The following LRCH1 variants were observed in gnomAD, a reference collection of about 807,000 sequenced individuals.
LRCH1 encodes the protein leucine-rich repeat and calponin homology domain-containing protein 1.
In LRCH1, 23 loss-of-function variants were observed where a neutral mutation model predicts 94.9. The ratio of observed to expected loss-of-function variants is 0.24; its 90% CI spans 0.17 to 0.34. The LOEUF (loss-of-function observed/expected upper bound fraction) is 0.34, where lower values mean the gene tolerates loss of function less well. LRCH1 is among the 10% of genes least tolerant of loss of function. The pLI is 1.00. For missense variants in LRCH1, 790 were observed against 945.9 expected, an observed-to-expected ratio of 0.84 and a Z score of 2.16; for synonymous variants, 364 against 354.9, an observed-to-expected ratio of 1.03 and a Z score of -0.29.
At position 46,669,701 on chromosome 13, in the gene LRCH1, T is replaced by C. The variant is rs112157673; in HGVS notation, c.579+545T>C. On this transcript the variant is annotated intron_variant, in intron 3 of 19. Coordinates refer to ENST00000389797, the MANE Select transcript of LRCH1 (RefSeq NM_001164211.2). ...ATTACAAATGTGTGTGAAGCTGAGA[T>C]GCACTGTTATATTTCAGCTCTTTCA... is the stretch of plus-strand genomic sequence containing the variant. Among the ~76,000 whole-genome samples, 738 of 152,350 alleles carry C rather than the reference T, an allele frequency of 4.8e-3. 12 individuals carry two copies. The highest frequency in any genetic ancestry group is 0.017 in the African/African-American group (716 of 41,578).
In LRCH1 at chr13:46,636,186, C is replaced by T. The variant is rs548383077; in HGVS notation, c.308-14015C>T. On this transcript the variant is annotated intron_variant, in intron 1 of 19. Transcript: ENST00000389797. ...CTGGGTTCAAGCGATTCTCCTACCTCTGCCTCCCGAGTAGCTGGAATTACA... is the reference window on the plus strand; with the variant it reads ...CTGGGTTCAAGCGATTCTCCTACCTTTGCCTCCCGAGTAGCTGGAATTACA... Among the ~76,000 whole-genome samples, 18 of 146,852 alleles carry T rather than the reference C, an allele frequency of 1.2e-4. No homozygotes were observed. The East Asian group carries it at 3.6e-3, about 30-fold the overall frequency.
intron 1 of LRCH1, among the ~76,000 whole-genome samples, chr13:46,554,853 C>T (rs2050046218): frequency 6.6e-6 from 1 of 152,190 alleles, no homozygotes; most frequent in Non-Finnish European, 1.5e-5. Context: ...TGGCTGTCAT[C>T]GCCTCATGGC....
intron 2 of LRCH1, among the ~76,000 whole-genome samples, chr13:46,657,610 G>T (rs887359182): frequency 8.2e-6 from 1 of 121,514 alleles, no homozygotes; most frequent in Non-Finnish European, 1.6e-5. Context: ...CTGCAGCCTC[G>T]ACCTCCCTGG....
chr13:46,680,186 T>C (rs1057100372), intron 3 of LRCH1: 1 of 152,226 alleles, frequency 6.6e-6, no homozygotes, highest in African/African-American at 2.4e-5. Flanking sequence ...TTGGTATGTA[T>C]GTTGGAGCAT....
At chr13:46,750,309 A>G (rs1326621101) in intron 18 of LRCH1, among the ~76,000 whole-genome samples, 4 of 152,146 alleles carry the variant, frequency 2.6e-5, no homozygotes, top group Admixed American at 1.3e-4. Context: ...CTTCATGGTG[A>G]TTAGGAGCCT....
chr13:46,627,166 C>G (rs575981043), intron 1 of LRCH1, among the ~76,000 whole-genome samples: 5 of 152,254 alleles, frequency 3.3e-5, no homozygotes, highest in African/African-American at 1.2e-4. Flanking sequence ...AGATAATTGA[C>G]CAGTGTTTTA....
chr13:46,595,497 A>C (rs1032943899), intron 1 of LRCH1, among the ~76,000 whole-genome samples: 1 of 152,222 alleles, frequency 6.6e-6, no homozygotes, highest in South Asian at 2.1e-4. Flanking sequence ...TGATGGATAT[A>C]AGCTAACTTT....
At chr13:46,690,223 G>A (rs923234368) in intron 7 of LRCH1, among the ~76,000 whole-genome samples, 1 of 152,052 alleles carries the variant, frequency 6.6e-6, no homozygotes, top group African/African-American at 2.4e-5. Flanking sequence ...AGAGCATTTT[G>A]AAAAGAAGAA....
chr13:46,680,529 G>C (rs1247661252), intron 3 of LRCH1, among the ~76,000 whole-genome samples: 1 of 152,190 alleles, frequency 6.6e-6, no homozygotes, highest in East Asian at 1.9e-4. Flanking sequence ...AGAGGTTGAG[G>C]CTTGAATTAA....
chr13:46,625,632 G>GTTTT (rs3040224), intron 1 of LRCH1, among the ~76,000 whole-genome samples: 6 of 127,192 alleles, frequency 4.7e-5, no homozygotes, highest in Non-Finnish European at 6.4e-5. Context: ...AATGTGTGGG[G>GTTTT]TTTTTTTTTT....
intron 2 of LRCH1, among the ~76,000 whole-genome samples, chr13:46,659,820 A>G (rs1246217471): frequency 1.3e-5 from 2 of 152,158 alleles, no homozygotes; most frequent in Non-Finnish European, 2.9e-5. Flanking sequence ...CAAGTAAATT[A>G]GTCCCAGAAC....
chr13:46,677,935 G>A (rs913110311), intron 3 of LRCH1, among the ~76,000 whole-genome samples: 4 of 152,142 alleles, frequency 2.6e-5, no homozygotes, highest in African/African-American at 9.7e-5. Context: ...TAACTATAGG[G>A]TGCTATGATT....
intron 1 of LRCH1, among the ~76,000 whole-genome samples, chr13:46,602,490 C>G (rs534575605): frequency 6.6e-6 from 1 of 152,274 alleles, no homozygotes; most frequent in Non-Finnish European, 1.5e-5. Flanking sequence ...TATTTAACTT[C>G]TTGCAGATTT....
At chr13:46,749,412 T>C (rs575125873), downstream of LRCH1, among the ~76,000 whole-genome samples, 9 of 152,236 alleles carry the variant, frequency 5.9e-5, no homozygotes, top group East Asian at 1.3e-3. Context: ...AAGATATTGG[T>C]CAAAGGATAC....
At chr13:46,689,027 T>A in intron 6 of LRCH1, 106 bp from the exon 7 acceptor site, 2 of 891,328 alleles carry the variant, frequency 2.2e-6, no homozygotes, top group South Asian at 3.3e-5. Context: ...TAATAAAAAT[T>A]TGCGTAGCAA....
At chr13:46,577,035 T>A (rs894212418) in intron 1 of LRCH1, among the ~76,000 whole-genome samples, 15 of 152,210 alleles carry the variant, frequency 9.9e-5, no homozygotes, top group African/African-American at 3.6e-4. Flanking sequence ...GTGGCCTTTT[T>A]TCTTTCAGGC....
At chr13:46,615,425 A>C (rs930727067) in intron 1 of LRCH1, among the ~76,000 whole-genome samples, 52 of 152,176 alleles carry the variant, frequency 3.4e-4, no homozygotes, top group African/African-American at 1.3e-3. Flanking sequence ...GCCATTCATG[A>C]GTGATCCGTC....
At chr13:46,598,230 G>A (rs2050586819) in intron 1 of LRCH1, among the ~76,000 whole-genome samples, 1 of 152,174 alleles carries the variant, frequency 6.6e-6, no homozygotes, top group Non-Finnish European at 1.5e-5. Context: ...TACAGCGTAT[G>A]TACTCTTTCC....
At chr13:46,741,562 G>A (rs1873653628) in intron 19 of LRCH1, 80 bp from the exon 20 acceptor site, 2 of 1,574,604 alleles carry the variant, frequency 1.3e-6, no homozygotes, top group Non-Finnish European at 1.7e-6. Context: ...AAAAATGTGT[G>A]CTTCTTTCTA....
Sources: gnomAD v4.1 joint callset for allele counts (sites outside exome capture counted in the v4.1 genomes callset) on GRCh38, gnomAD v4.1.1 for gene constraint, MANE v1.5 for transcripts, NCBI Gene and HGNC (gene_info 2026-07-23, HGNC 2026-07-21) for gene names.